The following PLXNC1 variants were observed in gnomAD, a reference collection of about 807,000 sequenced individuals.
PLXNC1 encodes plexin-C1.
PLXNC1 carries 75 observed loss-of-function variants against 178.2 expected under a neutral mutation model. That is an observed-to-expected ratio of 0.42 (90% CI 0.35 to 0.51). PLXNC1 has a LOEUF of 0.51. PLXNC1 is among the 20% of genes least tolerant of loss of function. The pLI, the probability that PLXNC1 is intolerant of heterozygous loss-of-function variation, is 0.02. For missense variants in PLXNC1, 1,503 were observed against 1,984.4 expected (o/e 0.76, Z 4.61); for synonymous variants, 790 against 779.9 (o/e 1.01, Z -0.22).
At chr12:94,234,097 G>A (rs1490909040) in intron 9 of PLXNC1, among the ~76,000 whole-genome samples, 1 of 152,060 alleles carries the variant, frequency 6.6e-6, no homozygotes, top group African/African-American at 2.4e-5. Flanking sequence ...TTTACTGAGT[G>A]TTGATTCAGG....
chr12:94,220,132 C>G lies in PLXNC1; in HGVS notation c.1671C>G (p.Thr557=), dbSNP rs1276064513. The G allele has an allele frequency of 6.2e-7, 1 of 1,613,938 alleles. No homozygotes were observed. Among genetic ancestry groups the G allele is most frequent in the African/African-American group, 1.3e-5 (1 of 74,888 alleles). ...AAAGTCAGCCCAACCGGACCTGCAC[C>G]TGTAGCATCCCAACCAGAGCAACCT... ...QNKSQPNRTC[T]CSIPTRATYK... The change falls in exon 6 of 31, where the codon ACC becomes ACG. Residue 557 remains threonine (T), a synonymous_variant. Coordinates refer to ENST00000258526, the MANE Select transcript of PLXNC1 (RefSeq NM_005761.3).
intron 15 of PLXNC1, among the ~76,000 whole-genome samples, chr12:94,253,440 C>T (rs144867225): frequency 7.9e-5 from 12 of 152,180 alleles, no homozygotes; most frequent in East Asian, 5.8e-4. Flanking sequence ...TGAGCCTTTG[C>T]GTGCATGAGC....
chr12:94,207,245 A>T lies in PLXNC1; in HGVS notation c.1440-2345A>T, dbSNP rs28637249. On this transcript the variant is annotated intron_variant, in intron 4 of 30. Transcript: ENST00000258526. ...TGGGTTGTTTTTTTATATATATATA[A>T]AAACAAGGAATTTATGTTTAGTTGC... 5.8e-3 allele frequency among the ~76,000 whole-genome samples: 875 copies of T among 152,126 alleles called. 12 individuals are homozygous for T. Among genetic ancestry groups the T allele is most frequent in the African/African-American group, 0.02 (831 of 41,464 alleles).
chr12:94,305,127 G>C, intron 30 of PLXNC1, 54 bp from the exon 31 acceptor site: 2 of 1,163,662 alleles, frequency 1.7e-6, no homozygotes, highest in Non-Finnish European at 2.5e-6. Context: ...GCAAAAAACA[G>C]AATTGTAACG....
chr12:94,249,941 G>GGGGGTGGA (rs1227152662), intron 14 of PLXNC1, among the ~76,000 whole-genome samples: 1 of 133,158 alleles, frequency 7.5e-6, no homozygotes, highest in Non-Finnish European at 1.6e-5. Context: ...GGGGGGGTGG[G>GGGGGTGGA]GGGGTGGGAA....
chr12:94,192,766 C>A, intron 4 of PLXNC1, among the ~76,000 whole-genome samples: 1 of 152,072 alleles, frequency 6.6e-6, no homozygotes, highest in Non-Finnish European at 1.5e-5. Context: ...AGCCCAATAT[C>A]CATGGAGTAG....
rs192034541 is a variant in PLXNC1, at chr12:94,289,507, T to C, written c.3880-4979T>C. Among the ~76,000 whole-genome samples, 7 of 152,320 alleles carry C rather than the reference T, an allele frequency of 4.6e-5. No individual in the cohort carries two copies. In the East Asian group the frequency reaches 1.3e-3, roughly 29 times the overall value. ...ACATTAATCTTTCTTTGACTTAATT[T>C]GGTTTTCATCCCTAAAGTAGGGGCC... On this transcript the variant is annotated intron_variant, in intron 23 of 30. Coordinates refer to ENST00000258526, the MANE Select transcript of PLXNC1 (RefSeq NM_005761.3).
intron 23 of PLXNC1, among the ~76,000 whole-genome samples, chr12:94,293,252 C>G (rs879259894): frequency 1.3e-5 from 2 of 152,246 alleles, no homozygotes; most frequent in Non-Finnish European, 1.5e-5. Context: ...TGAGTTGTTT[C>G]CAGTATGGGA....
At chr12:94,239,031 T>A (rs1964312130) in intron 10 of PLXNC1, among the ~76,000 whole-genome samples, 1 of 152,222 alleles carries the variant, frequency 6.6e-6, no homozygotes, top group African/African-American at 2.4e-5. Flanking sequence ...ATCAACTTCA[T>A]GGAAAATAAG....
chr12:94,170,464 C>T (rs146253939), intron 2 of PLXNC1, among the ~76,000 whole-genome samples: 5 of 152,250 alleles, frequency 3.3e-5, no homozygotes, highest in South Asian at 2.1e-4. Context: ...CTCTTATTTA[C>T]GGCACCTTAT....
intron 2 of PLXNC1, among the ~76,000 whole-genome samples, chr12:94,177,238 T>C (rs1159273113): frequency 2.9e-4 from 39 of 134,988 alleles, no homozygotes; most frequent in African/African-American, 9.3e-4. Flanking sequence ...TACATATATA[T>C]ATATATATAT....
intron 1 of PLXNC1, among the ~76,000 whole-genome samples, chr12:94,158,393 G>A (rs528458230): frequency 1.3e-5 from 2 of 152,184 alleles, no homozygotes; most frequent in Non-Finnish European, 2.9e-5. Flanking sequence ...TTAATGAGAC[G>A]GGCAAAGGTG....
At chr12:94,171,097 T>C (rs376822474) in intron 2 of PLXNC1, among the ~76,000 whole-genome samples, 1 of 152,182 alleles carries the variant, frequency 6.6e-6, no homozygotes, top group African/African-American at 2.4e-5. Context: ...GAAGGAACAC[T>C]CGTCTATAAA....
At chr12:94,278,479 T>C (rs1025464160) in intron 21 of PLXNC1, among the ~76,000 whole-genome samples, 4 of 152,258 alleles carry the variant, frequency 2.6e-5, no homozygotes, top group African/African-American at 9.6e-5. Context: ...ACAAAGGCCT[T>C]ACTTCCCCCA....
Position 94,240,613 on chromosome 12 carries a change from A to G in PLXNC1, c.2249A>G (p.Tyr750Cys). ...TGCTCTTCTGTGGGATCCTTATCCTACATTGCTCTGCCACATTGTTCCCTT... is the reference window on the plus strand; with the variant it reads ...TGCTCTTCTGTGGGATCCTTATCCTGCATTGCTCTGCCACATTGTTCCCTT... ...GNCSSVGSLSYIALPHCSLIF... is the reference protein window; with the variant it reads ...GNCSSVGSLSCIALPHCSLIF... Residue 750 changes from tyrosine (Y) to cysteine (C), a missense_variant, in exon 11 of 31, where the codon TAC (tyrosine) becomes TGC (cysteine). This residue lies in a region of PLXNC1 where 615 missense variants were observed against 698.6 expected (regional missense o/e 0.88). Coordinates refer to ENST00000258526, the MANE Select transcript of PLXNC1 (RefSeq NM_005761.3). The G allele has an allele frequency of 6.2e-7, 1 of 1,614,020 alleles. No individual in the cohort carries two copies. Among genetic ancestry groups the G allele is most frequent in the Non-Finnish European group, 8.5e-7 (1 of 1,179,856 alleles).
chr12:94,295,478 T>G (rs929604933), intron 24 of PLXNC1, among the ~76,000 whole-genome samples: 2 of 152,170 alleles, frequency 1.3e-5, no homozygotes, highest in East Asian at 3.8e-4. Flanking sequence ...AGCCTATTAT[T>G]TGGGGATTGA....
chr12:94,301,431 G>A (rs1968458944), intron 28 of PLXNC1, among the ~76,000 whole-genome samples: 1 of 152,086 alleles, frequency 6.6e-6, no homozygotes, highest in Non-Finnish European at 1.5e-5. Flanking sequence ...ATGCCTATTT[G>A]AATATAACAC....
chr12:94,240,763 TCCAA>T, intron 11 of PLXNC1, 99 bp downstream of exon 11: 1 of 923,994 alleles, frequency 1.1e-6, no homozygotes. Flanking sequence ...CAGTGGTCAT[TCCAA>T]ATTCCTCTCA....
intron 5 of PLXNC1, among the ~76,000 whole-genome samples, chr12:94,217,722 C>T (rs1027390228): frequency 2.0e-5 from 3 of 152,198 alleles, no homozygotes; most frequent in African/African-American, 7.2e-5. Context: ...TTTCCCTTTT[C>T]ATTGTACCAT....
Sources: gnomAD v4.1 joint callset for allele counts (sites outside exome capture counted in the v4.1 genomes callset) on GRCh38, gnomAD v4.1.1 for gene constraint, gnomAD v4.1.1 regional missense constraint, MANE v1.5 for transcripts, NCBI Gene and HGNC (gene_info 2026-07-23, HGNC 2026-07-21) for gene names.